The following RNF187 variants were observed in gnomAD, a reference collection of about 807,000 sequenced individuals.
The protein encoded by RNF187 is E3 ubiquitin-protein ligase RNF187.
A neutral mutation model predicts 22.2 loss-of-function variants in RNF187; 18 were observed. The observed-to-expected ratio is 0.81, with a 90% CI of 0.56 to 1.20. The LOEUF (loss-of-function observed/expected upper bound fraction) is 1.20. RNF187 is among the 50% of genes most tolerant of loss of function. The pLI is 0.00. For synonymous variants in RNF187, 164 were observed against 140.9 expected, an observed-to-expected ratio of 1.16 and a Z score of -1.16; for missense variants, 329 against 317.6, an observed-to-expected ratio of 1.04 and a Z score of -0.27.
At position 228,493,255 on chromosome 1, in the gene RNF187, G is replaced by A. The variant is rs1454152094; in HGVS notation, c.686G>A (p.Gly229Asp). ...CTGGAGAAGAAGCATCGCAACCTGGGCCTCAGCATGCTGCTGCAGGTGCGG... is the reference window on the plus strand; with the variant it reads ...CTGGAGAAGAAGCATCGCAACCTGGACCTCAGCATGCTGCTGCAGGTGCGG... The change falls in exon 3 of 4, where the codon GGC becomes GAC. Residue 229 changes from glycine (G) to aspartate (D), a missense_variant. By Grantham distance (94) the Gly-to-Asp change is moderately conservative (BLOSUM62 -1). Coordinates refer to ENST00000305943, the MANE Select transcript of RNF187 (RefSeq NM_001010858.3). This position sits in a 1 kb window ranked among gnomAD's most constrained non-coding sequence, Gnocchi z 4.7. 7 of 1,550,508 alleles carry A rather than the reference G, an allele frequency of 4.5e-6. No individual in the cohort carries two copies. The Admixed American group carries it at 9.8e-5, about 22-fold the overall frequency.
In RNF187 at chr1:228,493,363, A is replaced by G; in HGVS notation, c.705+89A>G. 2.9e-5 allele frequency: 43 copies of G among 1,476,212 alleles called. No individual in the cohort carries two copies. The highest frequency in any genetic ancestry group is 3.6e-5 in the Non-Finnish European group (40 of 1,109,758). 91.4% of individuals were successfully genotyped at this position (1,476,212 alleles called of 1,614,324 possible). ...ATTGGGGGACCATTGCCCGAAGTCA[A>G]GGCTTAAAAGCCCAGCCTGACTCCC... On this transcript the variant is annotated intron_variant, in intron 3 of 3. Coordinates refer to ENST00000305943, the MANE Select transcript of RNF187 (RefSeq NM_001010858.3). The surrounding 1 kb of genome is among the most constrained non-coding windows in gnomAD (Gnocchi z 4.7).
chr1:228,495,698 G>C lies in RNF187; in HGVS notation c.*1813G>C. ...CATCCTCACCTAACCTAGCTGACCA[G>C]CAACATCCCACCCTGTCAATCACAA... On this transcript the variant is annotated 3_prime_UTR_variant, in exon 4 of 4. Coordinates refer to ENST00000305943, the MANE Select transcript of RNF187 (RefSeq NM_001010858.3). 1 of 985,454 alleles carries C rather than the reference G, an allele frequency of 1.0e-6. No homozygotes were observed. Among genetic ancestry groups the C allele is most frequent in the Admixed American group, 6.1e-5 (1 of 16,262 alleles). 61.0% of individuals were successfully genotyped at this position (985,454 alleles called of 1,614,324 possible).
chr1:228,493,297 GC>G lies in RNF187; in HGVS notation c.705+26del. 6.5e-7 allele frequency: 1 copy of G among 1,541,922 alleles called. No homozygotes were observed. The highest frequency in any genetic ancestry group is 8.8e-7 in the Non-Finnish European group (1 of 1,141,830). The stretch of plus-strand genomic sequence containing the variant: ...CAGGTGCGGGAGCCCCGCTGGGTCT[GC>G]CCACCATCGGGCCAGGGTGGACGCA... On this transcript the variant is annotated intron_variant, in intron 3 of 3. Coordinates refer to ENST00000305943, the MANE Select transcript of RNF187 (RefSeq NM_001010858.3). The surrounding 1 kb of genome is among the most constrained non-coding windows in gnomAD (Gnocchi z 4.7).
rs1658872943 is a variant in RNF187, at chr1:228,487,781, G to A, written c.293G>A (p.Arg98His). 1 of 1,088,300 alleles carries A rather than the reference G, an allele frequency of 9.2e-7. No homozygotes were observed. Among genetic ancestry groups the A allele is most frequent in the Non-Finnish European group, 1.1e-6 (1 of 896,876 alleles). The allele number at this position is 1,088,300 out of a possible 1,614,324, so 67.4% of individuals were successfully genotyped here. ...GAGGCCGCGCTGCAGCTGCTGTGCC[G>A]CGCCGACGCCGGCCCGCTCTGCGCC... The change falls in exon 1 of 4, where the codon CGC becomes CAC. Residue 98 changes from arginine (R) to histidine (H), a missense_variant. Coordinates refer to ENST00000305943, the MANE Select transcript of RNF187 (RefSeq NM_001010858.3).
rs1658857591 is a variant in RNF187 at position 228,487,420 on chromosome 1, G to T, written c.-69G>T. On this transcript the variant is annotated 5_prime_UTR_variant, in exon 1 of 4. Transcript: ENST00000305943. ...TCCTGTTGCTGGTCTCCGTCCGGTCGCCGGCCGTCTAGGTCTCCGGCCCTC... is the reference window on the plus strand; with the variant it reads ...TCCTGTTGCTGGTCTCCGTCCGGTCTCCGGCCGTCTAGGTCTCCGGCCCTC... The T allele has an allele frequency of 2.8e-6, 3 of 1,076,762 alleles. No homozygotes were observed. Among genetic ancestry groups the T allele is most frequent in the Non-Finnish European group, 3.4e-6 (3 of 890,708 alleles). The allele number at this position is 1,076,762 out of a possible 1,614,324, so 66.7% of individuals were successfully genotyped here.
chr1:228,487,654 T>A lies in RNF187; in HGVS notation c.166T>A (p.Cys56Ser). 4 of 1,158,182 alleles carry A rather than the reference T, an allele frequency of 3.5e-6. No individual in the cohort carries two copies. Among genetic ancestry groups the A allele is most frequent in the Non-Finnish European group, 4.3e-6 (4 of 932,674 alleles). The allele number at this position is 1,158,182 out of a possible 1,614,324, so 71.7% of individuals were successfully genotyped here. Residue 56 changes from cysteine to serine, a missense_variant, in exon 1 of 4, where the codon TGC becomes AGC. Coordinates refer to ENST00000305943, the MANE Select transcript of RNF187 (RefSeq NM_001010858.3). The stretch of plus-strand genomic sequence containing the variant: ...CCCGTGCCCCGAGTGCGCCGACGAC[T>A]GCTGGCAGCGCGCCGTGGAGCCCGG...
In RNF187 at chr1:228,494,734, T is replaced by A; in HGVS notation, c.*849T>A. ...AGTAGCTCAGTTGCCTGCAGCATCC[T>A]TGTGTGTAGATAAATTAGTCGACAG... On this transcript the variant is annotated 3_prime_UTR_variant, in exon 4 of 4. Coordinates refer to ENST00000305943, the MANE Select transcript of RNF187 (RefSeq NM_001010858.3). 1.0e-6 allele frequency: 1 copy of A among 985,520 alleles called. No homozygotes were observed. Among genetic ancestry groups the A allele is most frequent in the Non-Finnish European group, 1.2e-6 (1 of 830,002 alleles). The allele number at this position is 985,520 out of a possible 1,614,324, so 61.0% of individuals were successfully genotyped here. A position where few individuals can be genotyped will look rare whatever the true frequency, so the allele number is the denominator to read the frequency against.
Position 228,494,124 on chromosome 1 carries a change from C to T in RNF187, c.*239C>T. The T allele has an allele frequency of 1.4e-6, 2 of 1,435,258 alleles. No individual in the cohort carries two copies. The highest frequency in any genetic ancestry group is 9.1e-7 in the Non-Finnish European group (1 of 1,095,998). The allele number at this position is 1,435,258 out of a possible 1,614,324, so 88.9% of individuals were successfully genotyped here. A position where few individuals can be genotyped will look rare whatever the true frequency, so the allele number is the denominator to read the frequency against. ...GGACCCTTCCCACCTGTGCCCGTCC[C>T]TTCCTGAAGTCCTAGCCACAGCCCA... On this transcript the variant is annotated 3_prime_UTR_variant, in exon 4 of 4. Transcript: ENST00000305943.
intron 2 of RNF187, 75 bp from the exon 3 acceptor site, chr1:228,492,978 C>A: frequency 1.4e-6 from 2 of 1,446,402 alleles, no homozygotes; most frequent in Non-Finnish European, 1.8e-6. Flanking sequence ...TTAACTCCTT[C>A]AAGAGCAAAC....
At chr1:228,492,160 C>T in intron 2 of RNF187, among the ~76,000 whole-genome samples, 3 of 151,896 alleles carry the variant, frequency 2.0e-5, no homozygotes, top group Non-Finnish European at 4.4e-5. Flanking sequence ...AAGCGATCGT[C>T]TTACCTCAGC....
intron 2 of RNF187, 151 bp downstream of exon 2, chr1:228,489,203 G>A: frequency 1.2e-5 from 7 of 603,134 alleles, no homozygotes; most frequent in African/African-American, 9.3e-5. Flanking sequence ...GAGCTTCAGG[G>A]TATTTTTTTT....
rs1199287314 is a variant in RNF187, at chr1:228,487,538, G to T, written c.50G>T (p.Arg17Leu). Residue 17 changes from arginine (R) to leucine (L), a missense_variant, in exon 1 of 4, where the codon CGC becomes CTC. Transcript: ENST00000305943. ...GAGGCCGCCTGCGCCCTGTGCCAGC[G>T]CGCGCCCCGGGAACCGGTGCGCGCC... 1 of 1,218,080 alleles carries T rather than the reference G, an allele frequency of 8.2e-7. No individual in the cohort carries two copies. The highest frequency in any genetic ancestry group is 2.3e-5 in the South Asian group (1 of 43,616). The allele number at this position is 1,218,080 out of a possible 1,614,324, so 75.5% of individuals were successfully genotyped here.
chr1:228,492,367 TTTTTTTG>T, intron 2 of RNF187, among the ~76,000 whole-genome samples: 2 of 151,884 alleles, frequency 1.3e-5, no homozygotes, highest in Non-Finnish European at 2.9e-5. Context: ...TTATTGTTTT[TTTTTTTG>T]TTTTTTGTTT....
Position 228,495,225 on chromosome 1 carries a change from A to G in RNF187, c.*1340A>G. The G allele has an allele frequency of 4.3e-6, 1 of 232,976 alleles. No homozygotes were observed. Among genetic ancestry groups the G allele is most frequent in the Non-Finnish European group, 7.0e-6 (1 of 142,338 alleles). 14.4% of individuals were successfully genotyped at this position (232,976 alleles called of 1,614,324 possible). The stretch of plus-strand genomic sequence containing the variant: ...CATGGGTGGGAATGACTGTGAGGAG[A>G]CATCAGGGCTGAGGGGGCTCTGGCT... On this transcript the variant is annotated 3_prime_UTR_variant, in exon 4 of 4. Transcript: ENST00000305943.
intron 2 of RNF187, among the ~76,000 whole-genome samples, chr1:228,490,663 T>C: frequency 6.6e-6 from 1 of 152,234 alleles, no homozygotes; most frequent in East Asian, 1.9e-4. Context: ...CTCATGACTA[T>C]GGGTGTCACC....
At position 228,495,135 on chromosome 1, in the gene RNF187, G is replaced by A; in HGVS notation, c.*1250G>A. 2.8e-6 allele frequency: 2 copies of A among 707,386 alleles called. No individual in the cohort carries two copies. The highest frequency in any genetic ancestry group is 3.5e-6 in the Non-Finnish European group (2 of 576,000). 43.8% of individuals were successfully genotyped at this position (707,386 alleles called of 1,614,324 possible). A position where few individuals can be genotyped will look rare whatever the true frequency, so the allele number is the denominator to read the frequency against. ...GGGACCCTTTCCTTGGGGCCTGGGG[G>A]GAGATGGGGCTCCACCCCGACGTAG... On this transcript the variant is annotated 3_prime_UTR_variant, in exon 4 of 4. Coordinates refer to ENST00000305943, the MANE Select transcript of RNF187 (RefSeq NM_001010858.3).
intron 1 of RNF187, among the ~76,000 whole-genome samples, 174 bp from the exon 2 acceptor site, chr1:228,488,786 C>G: frequency 6.6e-6 from 1 of 152,218 alleles, no homozygotes; most frequent in Non-Finnish European, 1.5e-5. Flanking sequence ...AGGTGTGAAG[C>G]CCAAGAAACC....
intron 2 of RNF187, among the ~76,000 whole-genome samples, chr1:228,492,827 G>C: frequency 6.6e-6 from 1 of 151,776 alleles, no homozygotes; most frequent in South Asian, 2.1e-4. Flanking sequence ...GTTTCACCAT[G>C]TTGGTCAGGC....
intron 2 of RNF187, among the ~76,000 whole-genome samples, chr1:228,490,023 T>G: frequency 6.6e-6 from 1 of 152,260 alleles, no homozygotes; most frequent in South Asian, 2.1e-4. Flanking sequence ...TTTAGTCGTT[T>G]AAACTCTATT....
Sources: allele counts gnomAD v4.1 joint callset (sites outside exome capture counted in the v4.1 genomes callset), GRCh38; gene constraint gnomAD v4.1.1; non-coding constraint Gnocchi (gnomAD v3.1); transcripts MANE v1.5; gene names NCBI Gene and HGNC (gene_info 2026-07-23, HGNC 2026-07-21).